The following TMEM131 variants were observed in gnomAD, a reference collection of about 807,000 sequenced individuals.
TMEM131 encodes the protein transmembrane protein 131, also known as 2610524E03Rik.
In TMEM131, 66 loss-of-function variants were observed where a neutral mutation model predicts 211.6. The observed-to-expected ratio is 0.31, with a 90% CI of 0.26 to 0.38. The LOEUF (loss-of-function observed/expected upper bound fraction) is 0.38. Among genes scored for constraint, TMEM131 ranks in the 10% least tolerant of loss-of-function variants. The pLI is 1.00. For synonymous variants in TMEM131, 844 were observed against 841.3 expected (o/e 1.00, Z -0.06); for missense variants, 2,036 against 2,299.3 (o/e 0.89, Z 2.34).
rs892908052 is a variant in TMEM131 at position 97,841,671 on chromosome 2, G to A, written c.723+144C>T. ...TCCAAAATTCAGACTGCAGCAAGCT[G>A]TACTAAAAGTAATACCCCTCTCAAT... On this transcript the variant is annotated intron_variant, in intron 7 of 40. Transcript: ENST00000186436. 16 of 790,262 alleles carry A rather than the reference G, an allele frequency of 2.0e-5. No individual in the cohort carries two copies. In the African/African-American group the frequency reaches 2.4e-4, roughly 12 times the overall value. The allele number at this position is 790,262 out of a possible 1,614,324, so 49.0% of individuals were successfully genotyped here. A position where few individuals can be genotyped will look rare whatever the true frequency, so the allele number is the denominator to read the frequency against.
intron 4 of TMEM131, among the ~76,000 whole-genome samples, chr2:97,863,023 A>G (rs1674130069): frequency 6.6e-6 from 1 of 152,188 alleles, no homozygotes; most frequent in African/African-American, 2.4e-5. Context: ...TGGAGCTCCA[A>G]TACCTGGCAG....
At chr2:97,810,545 T>C (rs921575017) in intron 18 of TMEM131, among the ~76,000 whole-genome samples, 2 of 152,212 alleles carry the variant, frequency 1.3e-5, no homozygotes, top group African/African-American at 4.8e-5. Context: ...TGCTTGACTT[T>C]CCTAAGAGCT....
chr2:97,924,441 C>T (rs1445526496), intron 2 of TMEM131, among the ~76,000 whole-genome samples: 1 of 152,138 alleles, frequency 6.6e-6, no homozygotes, highest in Non-Finnish European at 1.5e-5. Context: ...TTCTGATGTG[C>T]TCTCTGGACC....
intron 4 of TMEM131, among the ~76,000 whole-genome samples, chr2:97,873,553 T>C (rs1674575603): frequency 6.6e-6 from 1 of 152,186 alleles, no homozygotes; most frequent in South Asian, 2.1e-4. Flanking sequence ...AGAGGAATGA[T>C]CAGGCAGCAA....
At chr2:97,781,370 T>C (rs1679995847) in intron 31 of TMEM131, among the ~76,000 whole-genome samples, 1 of 152,224 alleles carries the variant, frequency 6.6e-6, no homozygotes, top group Admixed American at 6.5e-5. Context: ...GCTTATCCCA[T>C]CTCAATCCTT....
chr2:97,783,401 T>G (rs1680104952), intron 31 of TMEM131, among the ~76,000 whole-genome samples: 1 of 152,134 alleles, frequency 6.6e-6, no homozygotes, highest in Non-Finnish European at 1.5e-5. Flanking sequence ...TTCCTTCATA[T>G]CTTAAGTCTT....
At chr2:97,803,928 C>G (rs1365601408) in intron 22 of TMEM131, among the ~76,000 whole-genome samples, 1 of 152,214 alleles carries the variant, frequency 6.6e-6, no homozygotes, top group Non-Finnish European at 1.5e-5. Context: ...AATTAGTGTT[C>G]TCTTAGCAAG....
chr2:97,959,698 A>G (rs1312972350), intron 1 of TMEM131, among the ~76,000 whole-genome samples: 1 of 152,194 alleles, frequency 6.6e-6, no homozygotes, highest in Admixed American at 6.5e-5. Context: ...CAATTTTATT[A>G]CCACAGCCAA....
chr2:97,848,159 A>G (rs1193430226), intron 5 of TMEM131, among the ~76,000 whole-genome samples: 2 of 152,218 alleles, frequency 1.3e-5, no homozygotes, highest in African/African-American at 4.8e-5. Flanking sequence ...CACACATACA[A>G]GGTCAACTGA....
Position 97,792,478 on chromosome 2 carries a change from A to T in TMEM131, c.4052T>A (p.Ile1351Lys), listed in dbSNP as rs748480104. The stretch of plus-strand genomic sequence containing the variant: ...GTCGAAGTCTTTGTCCATGGCTTCT[A>T]TGAGACTGGTGATGTCCGAGTCCTC... ...SSEDSDITSL[I>K]EAMDKDFDHH... Residue 1351 changes from isoleucine to lysine, a missense_variant, in exon 31 of 41, where the codon ATA becomes AAA. Ile to Lys is a moderately radical substitution (Grantham distance 102). Around this residue, in one of 3 missense-constraint regions of TMEM131, gnomAD observed 1,623 missense variants for 1,805.9 expected, o/e 0.90. Transcript: ENST00000186436. 6.2e-7 allele frequency: 1 copy of T among 1,613,744 alleles called. No individual in the cohort carries two copies. The highest frequency in any genetic ancestry group is 1.7e-5 in the Admixed American group (1 of 59,996).
At chr2:97,761,165 T>C (rs1029782124) in intron 36 of TMEM131, 6 of 392,464 alleles carry the variant, frequency 1.5e-5, no homozygotes, top group African/African-American at 4.0e-5. Context: ...GATCACAATT[T>C]AGGGACTGGC....
chr2:97,831,108 T>A (rs1447042947), intron 11 of TMEM131, among the ~76,000 whole-genome samples: 4 of 152,208 alleles, frequency 2.6e-5, no homozygotes, highest in Admixed American at 2.6e-4. Flanking sequence ...TAAGCCACCA[T>A]CATTTCTCAG....
At chr2:97,880,307 T>C (rs768238648) in intron 4 of TMEM131, among the ~76,000 whole-genome samples, 4 of 151,926 alleles carry the variant, frequency 2.6e-5, no homozygotes, top group Admixed American at 6.6e-5. Flanking sequence ...TGAAGGCAAA[T>C]AGGAAACCAT....
At chr2:97,816,808 A>G (rs1681849585) in intron 12 of TMEM131, among the ~76,000 whole-genome samples, 1 of 152,226 alleles carries the variant, frequency 6.6e-6, no homozygotes. Flanking sequence ...AAAATCATGA[A>G]GAATAACTTT....
At chr2:97,811,695 G>GCATTCCA (rs1179872925) in intron 17 of TMEM131, among the ~76,000 whole-genome samples, 1 of 152,196 alleles carries the variant, frequency 6.6e-6, no homozygotes, top group East Asian at 1.9e-4. Flanking sequence ...CAGACCTATG[G>GCATTCCA]CATTCCACGG....
intron 4 of TMEM131, among the ~76,000 whole-genome samples, chr2:97,880,389 G>A (rs1674877384): frequency 6.6e-6 from 1 of 152,194 alleles, no homozygotes; most frequent in African/African-American, 2.4e-5. Flanking sequence ...ACATTTCCCT[G>A]TTGACAGCAT....
chr2:97,889,455 AGTTTC>A (rs1288041464), intron 3 of TMEM131, among the ~76,000 whole-genome samples: 3 of 152,030 alleles, frequency 2.0e-5, no homozygotes, highest in Non-Finnish European at 1.5e-5. Context: ...TCAGCTCATT[AGTTTC>A]ATTAGTATGA....
At chr2:97,884,385 T>C (rs190220469) in intron 4 of TMEM131, among the ~76,000 whole-genome samples, 88 of 152,276 alleles carry the variant, frequency 5.8e-4, no homozygotes, top group Admixed American at 6.5e-4. Context: ...ACGAAAGAAA[T>C]GGTATTCTGC....
Position 97,931,566 on chromosome 2 carries a change from C to T in TMEM131, c.188-4079G>A, listed in dbSNP as rs141257197. 5.5e-3 allele frequency among the ~76,000 whole-genome samples: 830 copies of T among 151,998 alleles called. 5 individuals carry two copies. Among genetic ancestry groups the T allele is most frequent in the African/African-American group, 0.019 (774 of 41,458 alleles). ...CATCTAAAATAACTCATGAAAAAAACAAATGCTGTAAATAACTAGTAGAAA... is the reference window on the plus strand; with the variant it reads ...CATCTAAAATAACTCATGAAAAAAATAAATGCTGTAAATAACTAGTAGAAA... On this transcript the variant is annotated intron_variant, in intron 1 of 40. Coordinates refer to ENST00000186436, the MANE Select transcript of TMEM131 (RefSeq NM_015348.2).
Sources: gnomAD v4.1 joint callset for allele counts (sites outside exome capture counted in the v4.1 genomes callset) on GRCh38, gnomAD v4.1.1 for gene constraint, gnomAD v4.1.1 regional missense constraint, MANE v1.5 for transcripts, NCBI Gene and HGNC (gene_info 2026-07-23, HGNC 2026-07-21) for gene names.